Variants in SLC4A10 observed in about 807,000 individuals in gnomAD.
SLC4A10 encodes solute carrier family 4 member 10, also known as sodium-driven chloride bicarbonate exchanger.
SLC4A10 carries 42 observed loss-of-function variants against 137.7 expected under a neutral mutation model. That is an observed-to-expected ratio of 0.30 (90% CI 0.24 to 0.39). The LOEUF (loss-of-function observed/expected upper bound fraction) is 0.39, where lower values mean the gene tolerates loss of function less well. SLC4A10 is among the 10% of genes least tolerant of loss of function. SLC4A10 has a pLI of 1.00. For synonymous variants in SLC4A10, 474 were observed against 464.1 expected (o/e 1.02, Z -0.27); for missense variants, 925 against 1,355.0 (o/e 0.68, Z 4.98).
chr2:161,733,180 T>A (rs2046986481), intron 1 of SLC4A10, among the ~76,000 whole-genome samples: 1 of 152,092 alleles, frequency 6.6e-6, no homozygotes, highest in South Asian at 2.1e-4. Flanking sequence ...ATGGGGAAAA[T>A]ATCTCCAGGG....
intron 19 of SLC4A10, among the ~76,000 whole-genome samples, chr2:161,952,156 T>G (rs986450413): frequency 5.9e-5 from 9 of 152,158 alleles, no homozygotes; most frequent in Non-Finnish European, 1.2e-4. Flanking sequence ...TTAAATGGAT[T>G]CAGGCAGCAT....
At chr2:161,828,291 C>T (rs1317487328) in intron 3 of SLC4A10, among the ~76,000 whole-genome samples, 1 of 151,996 alleles carries the variant, frequency 6.6e-6, no homozygotes, top group African/African-American at 2.4e-5. Flanking sequence ...CTCACTTGTT[C>T]CTTTACTTCT....
chr2:161,657,258 A>G (rs1275602777), intron 1 of SLC4A10, among the ~76,000 whole-genome samples: 1 of 152,074 alleles, frequency 6.6e-6, no homozygotes, highest in Non-Finnish European at 1.5e-5. Context: ...TAGAGATATA[A>G]TACCTATTTT....
intron 2 of SLC4A10, among the ~76,000 whole-genome samples, chr2:161,777,883 C>T (rs1167352544): frequency 6.6e-6 from 1 of 151,944 alleles, no homozygotes; most frequent in Middle Eastern, 3.2e-3. Context: ...GTTTTTGATT[C>T]ATTTTGAGTT....
intron 4 of SLC4A10, among the ~76,000 whole-genome samples, chr2:161,850,758 A>T (rs2059783122): frequency 6.6e-6 from 1 of 151,768 alleles, no homozygotes; most frequent in Admixed American, 6.6e-5. Flanking sequence ...TATATTTGGG[A>T]TTGGTTGGCT....
At chr2:161,667,465 G>A (rs1344861716) in intron 1 of SLC4A10, among the ~76,000 whole-genome samples, 2 of 151,460 alleles carry the variant, frequency 1.3e-5, no homozygotes, top group Admixed American at 1.3e-4. Flanking sequence ...ACACTTAATC[G>A]TTTATGATTC....
intron 1 of SLC4A10, among the ~76,000 whole-genome samples, chr2:161,766,889 G>A (rs1559201534): frequency 6.6e-6 from 1 of 150,672 alleles, no homozygotes; most frequent in Admixed American, 6.6e-5. Flanking sequence ...ACTTAGCCCT[G>A]ATCTGTCTCA....
At chr2:161,727,798 GA>G (rs1350412030) in intron 1 of SLC4A10, among the ~76,000 whole-genome samples, 3 of 152,050 alleles carry the variant, frequency 2.0e-5, no homozygotes, top group African/African-American at 7.2e-5. Context: ...AACAGTTCCA[GA>G]AAGAGAAAAC....
chr2:161,853,442 T>A (rs1180095926), intron 4 of SLC4A10, among the ~76,000 whole-genome samples: 1 of 152,174 alleles, frequency 6.6e-6, no homozygotes, highest in Non-Finnish European at 1.5e-5. Flanking sequence ...GACACACACA[T>A]AATTTCTGTT....
chr2:161,804,696 A>G (rs1343482553), intron 3 of SLC4A10, 101 bp downstream of exon 3: 8 of 1,122,996 alleles, frequency 7.1e-6, no homozygotes, highest in Non-Finnish European at 9.4e-6. Flanking sequence ...AAAATTGTTT[A>G]TACTTTTATA....
At chr2:161,783,263 G>T (rs1163101769) in intron 2 of SLC4A10, among the ~76,000 whole-genome samples, 1 of 151,760 alleles carries the variant, frequency 6.6e-6, no homozygotes, top group Non-Finnish European at 1.5e-5. Flanking sequence ...TAGACCAAAT[G>T]AAACTGTCAT....
At chr2:161,717,025 GC>G (rs1176512388) in intron 1 of SLC4A10, among the ~76,000 whole-genome samples, 2 of 152,018 alleles carry the variant, frequency 1.3e-5, no homozygotes, top group African/African-American at 4.8e-5. Context: ...TTCCTTGTTA[GC>G]TGTATTCTAG....
intron 1 of SLC4A10, among the ~76,000 whole-genome samples, chr2:161,688,013 C>A (rs757638621): frequency 6.6e-6 from 1 of 152,146 alleles, no homozygotes; most frequent in Admixed American, 6.6e-5. Flanking sequence ...ACATGGCAGG[C>A]AATGTTCTGC....
chr2:161,782,183 T>C (rs778382877), intron 2 of SLC4A10, among the ~76,000 whole-genome samples: 18 of 151,994 alleles, frequency 1.2e-4, no homozygotes, highest in Non-Finnish European at 2.4e-4. Flanking sequence ...GGTACATACA[T>C]TAAACTTTCT....
At chr2:161,861,248 G>A (rs889342362) in intron 5 of SLC4A10, among the ~76,000 whole-genome samples, 1 of 152,140 alleles carries the variant, frequency 6.6e-6, no homozygotes, top group African/African-American at 2.4e-5. Context: ...GATGGGCAGG[G>A]CTATGTCAGT....
chr2:161,772,459 TA>T (rs2051750953), intron 2 of SLC4A10, among the ~76,000 whole-genome samples: 1 of 151,884 alleles, frequency 6.6e-6, no homozygotes, highest in Non-Finnish European at 1.5e-5. Flanking sequence ...AAATACTTAA[TA>T]AAAAATAGCA....
intron 26 of SLC4A10, among the ~76,000 whole-genome samples, chr2:161,981,046 G>A (rs1296255829): frequency 6.6e-6 from 1 of 152,180 alleles, no homozygotes; most frequent in African/African-American, 2.4e-5. Flanking sequence ...CAAAACTATG[G>A]TTATGATGAA....
chr2:161,926,386 GTTT>G (rs1174458600), intron 15 of SLC4A10, among the ~76,000 whole-genome samples: 11 of 22,936 alleles, frequency 4.8e-4, no homozygotes, highest in South Asian at 3.6e-3. Flanking sequence ...CCTTTTTTTG[GTTT>G]TTTTTTTTTT....
intron 1 of SLC4A10, among the ~76,000 whole-genome samples, chr2:161,626,599 A>G (rs2032421184): frequency 6.6e-6 from 1 of 152,226 alleles, no homozygotes; most frequent in African/African-American, 2.4e-5. Context: ...CTTGTATAGC[A>G]ACTCCCCCAG....
Sources: allele counts gnomAD v4.1 joint callset (sites outside exome capture counted in the v4.1 genomes callset), GRCh38; gene constraint gnomAD v4.1.1; transcripts MANE v1.5; gene names NCBI Gene and HGNC (gene_info 2026-07-23, HGNC 2026-07-21).